NEK10: variants seen among roughly 807,000 people sequenced by gnomAD.
The protein encoded by NEK10 is NIMA related kinase 10.
A neutral mutation model predicts 159.8 loss-of-function variants in NEK10; 122 were observed. That is an observed-to-expected ratio of 0.76 (90% CI 0.66 to 0.89). The LOEUF (loss-of-function observed/expected upper bound fraction) is 0.89. Among genes scored for constraint, NEK10 ranks in the 40% least tolerant of loss-of-function variants. The pLI is 0.00. For missense variants in NEK10, 1,342 were observed against 1,323.1 expected (o/e 1.01, Z -0.22); for synonymous variants, 466 against 457.1 (o/e 1.02, Z -0.25).
intron 5 of NEK10, among the ~76,000 whole-genome samples, chr3:27,330,403 C>G (rs757061612): frequency 2.0e-5 from 3 of 152,058 alleles, no homozygotes; most frequent in African/African-American, 7.2e-5. Flanking sequence ...AATGATCCAG[C>G]TGTTTAAAAA....
intron 23 of NEK10, among the ~76,000 whole-genome samples, chr3:27,203,944 G>A (rs185511646): frequency 2.0e-4 from 31 of 152,190 alleles, no homozygotes; most frequent in African/African-American, 2.9e-4. Context: ...AGGGCTCTGC[G>A]GTTCTAAATG....
At chr3:27,133,342 C>T (rs144134890) in intron 31 of NEK10, among the ~76,000 whole-genome samples, 35 of 152,256 alleles carry the variant, frequency 2.3e-4, no homozygotes, top group Admixed American at 7.2e-4. Context: ...ATAGGGCCTA[C>T]AGGGAGGGGC....
chr3:27,137,667 C>T (rs1943360480), intron 31 of NEK10, among the ~76,000 whole-genome samples: 2 of 152,178 alleles, frequency 1.3e-5, no homozygotes, highest in South Asian at 4.1e-4. Flanking sequence ...ATTAGTTAGA[C>T]AATTCTGTGG....
chr3:27,175,285 G>C (rs1232387903), intron 26 of NEK10, among the ~76,000 whole-genome samples: 1 of 152,088 alleles, frequency 6.6e-6, no homozygotes, highest in Non-Finnish European at 1.5e-5. Flanking sequence ...GAGAGTGAGA[G>C]GCAAGGTTTT....
chr3:27,204,301 G>GTTTTTTTTTTTTTTTTTTTT (rs567092116), intron 23 of NEK10, among the ~76,000 whole-genome samples: 1 of 66,376 alleles, frequency 1.5e-5, no homozygotes, highest in Non-Finnish European at 2.8e-5. Flanking sequence ...TTTTGTTGTT[G>GTTTTTTTTTTTTTTTTTTTT]TTTTTTTTTT....
chr3:27,349,944 T>A lies in NEK10; in HGVS notation c.132+2521A>T, dbSNP rs1232140307. Among the ~76,000 whole-genome samples, 3 of 152,116 alleles carry A rather than the reference T, an allele frequency of 2.0e-5. No homozygotes were observed. In the East Asian group the frequency reaches 5.8e-4, roughly 29 times the overall value. On this transcript the variant is annotated intron_variant, in intron 3 of 35. Coordinates refer to ENST00000691995, the MANE Select transcript of NEK10 (RefSeq NM_001394966.1). ...TATGCAGAGATACACAGAGTGTAGG[T>A]CAGGACAAAGAACAAAAGTAGAACA...
chr3:27,238,360 G>GT (rs1374123544), intron 23 of NEK10, among the ~76,000 whole-genome samples: 3 of 152,122 alleles, frequency 2.0e-5, no homozygotes, highest in Admixed American at 1.3e-4. Flanking sequence ...TTTTCTGTGA[G>GT]TTTTTTCCAT....
At chr3:27,253,646 A>G (rs1166110510) in intron 23 of NEK10, among the ~76,000 whole-genome samples, 2 of 152,110 alleles carry the variant, frequency 1.3e-5, no homozygotes, top group African/African-American at 2.4e-5. Flanking sequence ...CAGTAAGTTA[A>G]TATCTGAGGA....
At chr3:27,187,630 G>A (rs1441501874) in intron 26 of NEK10, among the ~76,000 whole-genome samples, 10 of 151,964 alleles carry the variant, frequency 6.6e-5, no homozygotes, top group Non-Finnish European at 1.5e-4. Flanking sequence ...GGAAAACACT[G>A]GGGGGTAAAA....
intron 31 of NEK10, among the ~76,000 whole-genome samples, chr3:27,134,992 T>C (rs1241504777): frequency 2.0e-5 from 3 of 152,204 alleles, no homozygotes; most frequent in Non-Finnish European, 1.5e-5. Flanking sequence ...ATTTTATAGG[T>C]GAGGAAGTCA....
chr3:27,210,705 C>G (rs7615829), intron 23 of NEK10, among the ~76,000 whole-genome samples: 95,434 of 152,030 alleles, frequency 0.63, 31,569 homozygotes, highest in African/African-American at 0.85. Flanking sequence ...GTAATAATTT[C>G]TATACCTTTC....
intron 28 of NEK10, 52 bp from the exon 29 acceptor site, chr3:27,171,925 T>A (rs2017568): frequency 0.2 from 306,532 of 1,559,198 alleles, 31,221 homozygotes; most frequent in African/African-American, 0.31. Context: ...GCAAATCTTT[T>A]ATTTTTTATG....
chr3:27,128,551 T>A (rs1278778963), intron 32 of NEK10, among the ~76,000 whole-genome samples: 1 of 152,164 alleles, frequency 6.6e-6, no homozygotes, highest in African/African-American at 2.4e-5. Flanking sequence ...AAAGGCAGAA[T>A]AAAAGCTTTC....
chr3:27,114,921 A>G (rs746372951), intron 35 of NEK10, among the ~76,000 whole-genome samples: 1 of 152,168 alleles, frequency 6.6e-6, no homozygotes, highest in Non-Finnish European at 1.5e-5. Flanking sequence ...CAGACATTGT[A>G]AACACCCATA....
intron 30 of NEK10, among the ~76,000 whole-genome samples, chr3:27,151,017 T>C (rs1237754623): frequency 1.3e-5 from 2 of 151,870 alleles, no homozygotes; most frequent in Non-Finnish European, 1.5e-5. Flanking sequence ...CCAAGGAGAG[T>C]CTGAGCTCTG....
At chr3:27,344,168 T>A in intron 5 of NEK10, 104 bp downstream of exon 5, 1 of 575,822 alleles carries the variant, frequency 1.7e-6, no homozygotes, top group Non-Finnish European at 3.0e-6. Context: ...TTTCCTTTAA[T>A]GACATGTTCA....
intron 23 of NEK10, among the ~76,000 whole-genome samples, chr3:27,238,263 T>C (rs963152805): frequency 1.3e-5 from 2 of 152,182 alleles, no homozygotes; most frequent in African/African-American, 4.8e-5. Flanking sequence ...ACTGAAGCTA[T>C]AGAAAAGCAC....
rs2125417956 is a variant in NEK10, at chr3:27,116,125, A to G, written c.3193T>C (p.Leu1065=). 6.2e-7 allele frequency: 1 copy of G among 1,613,308 alleles called. No individual in the cohort carries two copies. The part of the protein sequence containing the change: ...NSLSPNDPTG[L]PTSIELEEGI... ...TCCTCCAATTCAATGCTGGTTGGTA[A>G]ACCTAAAAAAGATAAATTATGGAAA... The change falls in exon 34 of 36, where the codon TTA becomes CTA. Residue 1065 remains leucine, a splice_region_variant and synonymous_variant. Transcript: ENST00000691995.
chr3:27,351,308 T>C (rs1247875251), intron 3 of NEK10, among the ~76,000 whole-genome samples: 1 of 152,164 alleles, frequency 6.6e-6, no homozygotes, highest in African/African-American at 2.4e-5. Context: ...TGCCTAGCCA[T>C]CTTGTTTGCC....
Sources: gnomAD v4.1 joint callset for allele counts (sites outside exome capture counted in the v4.1 genomes callset) on GRCh38, gnomAD v4.1.1 for gene constraint, MANE v1.5 for transcripts, NCBI Gene and HGNC (gene_info 2026-07-23, HGNC 2026-07-21) for gene names.